Variants in TAFA5 observed in about 807,000 individuals in gnomAD.
TAFA5 encodes the protein chemokine-like protein TAFA-5.
TAFA5 carries 6 observed loss-of-function variants against 15.3 expected under a neutral mutation model. The ratio of observed to expected loss-of-function variants is 0.39; its 90% confidence interval spans 0.21 to 0.77. The LOEUF (loss-of-function observed/expected upper bound fraction) is 0.77, where lower values mean the gene tolerates loss of function less well. TAFA5 is among the 30% of genes least tolerant of loss of function. The pLI, the probability that TAFA5 is intolerant of heterozygous loss-of-function variation, is 0.41. For missense variants in TAFA5, 161 were observed against 193.1 expected, an observed-to-expected ratio of 0.83 and a Z score of 0.98; for synonymous variants, 103 against 80.7, an observed-to-expected ratio of 1.28 and a Z score of -1.48.
At position 48,560,560 on chromosome 22, in the gene TAFA5, G is replaced by A. The variant is rs144843576; in HGVS notation, c.112+70856G>A. On this transcript the variant is annotated intron_variant, in intron 1 of 3. Transcript: ENST00000402357. The surrounding 1 kb of genome is among the most constrained non-coding windows in gnomAD (Gnocchi z 4.2). Reference sequence around the variant, plus strand: ...ACACCCACACTGGGCCATGAAAAACGTTGTATTTTATTATTATTATTATTA... The same window carrying A: ...ACACCCACACTGGGCCATGAAAAACATTGTATTTTATTATTATTATTATTA... 7.8e-4 allele frequency among the ~76,000 whole-genome samples: 98 copies of A among 126,450 alleles called. No individual in the cohort carries two copies. The highest frequency in any genetic ancestry group is 3.9e-3 in the Middle Eastern group (1 of 254). 83.0% of individuals were successfully genotyped at this position (126,450 alleles called of 152,430 possible).
At chr22:48,659,235 C>T (rs373800941) in intron 2 of TAFA5, among the ~76,000 whole-genome samples, 3 of 152,210 alleles carry the variant, frequency 2.0e-5, no homozygotes, top group East Asian at 1.9e-4. Flanking sequence ...CCTTGTTGCT[C>T]GCTGGGCTTT....
chr22:48,697,501 G>T (rs1928752311), intron 2 of TAFA5, among the ~76,000 whole-genome samples: 1 of 151,826 alleles, frequency 6.6e-6, no homozygotes, highest in Non-Finnish European at 1.5e-5. Context: ...GATAATGAAG[G>T]TTATGATAAT....
intron 1 of TAFA5, among the ~76,000 whole-genome samples, chr22:48,638,274 T>C (rs7291244): frequency 0.35 from 45,311 of 128,862 alleles, 7,694 homozygotes; most frequent in South Asian, 0.44. Context: ...ACACAGGCAA[T>C]ACCCCTCCCC....
rs1435530950 is a variant in TAFA5, at chr22:48,489,984, G to T, written c.112+280G>T. On this transcript the variant is annotated intron_variant, in intron 1 of 3. Coordinates refer to ENST00000402357, the MANE Select transcript of TAFA5 (RefSeq NM_001082967.3). The surrounding 1 kb of genome is among the most constrained non-coding windows in gnomAD (Gnocchi z 5.5). The stretch of plus-strand genomic sequence containing the variant: ...CCGGGCTCCAGGCCCCGGGTGGCGC[G>T]GCCCGTCCCTGCCCGGCGGTCGGAG... Among the ~76,000 whole-genome samples the T allele has an allele frequency of 4.6e-5, 7 of 151,900 alleles. No individual in the cohort carries two copies. The South Asian group carries it at 1.0e-3, about 22-fold the overall frequency.
chr22:48,571,824 A>G (rs1024202648), intron 1 of TAFA5, among the ~76,000 whole-genome samples: 1 of 151,604 alleles, frequency 6.6e-6, no homozygotes, highest in African/African-American at 2.4e-5. Flanking sequence ...TAGGTCTCAA[A>G]TTTTCCATAC....
At chr22:48,693,323 A>T (rs1361439944) in intron 2 of TAFA5, 1 of 1,611,674 alleles carries the variant, frequency 6.2e-7, no homozygotes. Context: ...ATTGAAAGGA[A>T]GAGGGAAAAA....
chr22:48,652,205 C>T (rs1177498567), intron 2 of TAFA5, among the ~76,000 whole-genome samples: 4 of 152,212 alleles, frequency 2.6e-5, no homozygotes, highest in Non-Finnish European at 5.9e-5. Flanking sequence ...CCAGGAGCGA[C>T]GTGAATCACC....
At chr22:48,512,149 A>G (rs1921237823) in intron 1 of TAFA5, among the ~76,000 whole-genome samples, 1 of 152,184 alleles carries the variant, frequency 6.6e-6, no homozygotes, top group Non-Finnish European at 1.5e-5. Flanking sequence ...GTGGTGGACC[A>G]GGCTGCAAGG....
At chr22:48,643,700 C>T (rs1384449990) in intron 1 of TAFA5, among the ~76,000 whole-genome samples, 2 of 152,242 alleles carry the variant, frequency 1.3e-5, no homozygotes, top group Non-Finnish European at 2.9e-5. Context: ...TACCCCAGCA[C>T]TGCTGTGGCC....
intron 2 of TAFA5, among the ~76,000 whole-genome samples, chr22:48,666,907 G>A (rs1354383350): frequency 6.6e-6 from 1 of 152,148 alleles, no homozygotes; most frequent in Non-Finnish European, 1.5e-5. Context: ...CCATGGTGCT[G>A]AGTGGTTGGA....
intron 1 of TAFA5, among the ~76,000 whole-genome samples, chr22:48,606,346 A>G (rs994505298): frequency 3.3e-5 from 5 of 152,192 alleles, no homozygotes; most frequent in African/African-American, 1.2e-4. Context: ...CTCAGCCCCC[A>G]GGGATACTCC....
chr22:48,492,443 G>A (rs1034435), intron 1 of TAFA5, among the ~76,000 whole-genome samples: 67,018 of 152,000 alleles, frequency 0.44, 16,638 homozygotes, highest in African/African-American at 0.67. Flanking sequence ...GAGGAAACTG[G>A]ATTCTTTCTT....
At chr22:48,686,556 G>C (rs1601671519) in intron 2 of TAFA5, among the ~76,000 whole-genome samples, 1 of 152,192 alleles carries the variant, frequency 6.6e-6, no homozygotes, top group Admixed American at 6.5e-5. Flanking sequence ...ATTGCAGGGG[G>C]GCACAGAAGT....
intron 1 of TAFA5, among the ~76,000 whole-genome samples, chr22:48,533,042 G>T (rs12158301): frequency 0.049 from 7,448 of 152,242 alleles, 465 homozygotes; most frequent in East Asian, 0.24. Flanking sequence ...GCTGCCAGGG[G>T]ACGGGGGTTT....
At chr22:48,510,214 GCTT>G (rs1385497392) in intron 1 of TAFA5, among the ~76,000 whole-genome samples, 2 of 152,146 alleles carry the variant, frequency 1.3e-5, no homozygotes, top group African/African-American at 4.8e-5. Context: ...AAACTCAAAA[GCTT>G]CTGCACAGCA....
chr22:48,621,044 C>T (rs1569051262), intron 1 of TAFA5, among the ~76,000 whole-genome samples: 1 of 121,482 alleles, frequency 8.2e-6, no homozygotes, highest in Non-Finnish European at 1.7e-5. Context: ...ACCCTCCCAC[C>T]CATCCACCCA....
chr22:48,620,601 A>ACCCATCCTCTCCACCCACCCACCATCC (rs1925767727), intron 1 of TAFA5, among the ~76,000 whole-genome samples: 2 of 16,774 alleles, frequency 1.2e-4, no homozygotes, highest in Non-Finnish European at 1.1e-4. Flanking sequence ...CCACCCCCCT[A>ACCCATCCTCTCCACCCACCCACCATCC]CCCATCCTAT....
rs529669109 is a variant in TAFA5 at position 48,559,213 on chromosome 22, G to A, written c.112+69509G>A. 8.5e-5 allele frequency among the ~76,000 whole-genome samples: 13 copies of A among 152,318 alleles called. No individual in the cohort carries two copies. The South Asian group carries it at 2.5e-3, about 29-fold the overall frequency. On this transcript the variant is annotated intron_variant, in intron 1 of 3. Coordinates refer to ENST00000402357, the MANE Select transcript of TAFA5 (RefSeq NM_001082967.3). ...GTGGTGGCAGCTGGAGCTGACACCA[G>A]CGGTGGACGCTCCTCCTGGGCCACT...
At chr22:48,655,125 C>T (rs1233238924) in intron 2 of TAFA5, among the ~76,000 whole-genome samples, 1 of 152,070 alleles carries the variant, frequency 6.6e-6, no homozygotes, top group African/African-American at 2.4e-5. Flanking sequence ...TCCAGGATGC[C>T]CCAGGGTCCT....
Sources: gnomAD v4.1 joint callset for allele counts (sites outside exome capture counted in the v4.1 genomes callset) on GRCh38, gnomAD v4.1.1 for gene constraint, Gnocchi (gnomAD v3.1) non-coding constraint, MANE v1.5 for transcripts, NCBI Gene and HGNC (gene_info 2026-07-23, HGNC 2026-07-21) for gene names.